Variants in VEGFC observed in about 807,000 individuals in gnomAD.
VEGFC encodes FLT4 ligand DHM.
A neutral mutation model predicts 46.1 loss-of-function variants in VEGFC; 12 were observed. The ratio of observed to expected loss-of-function variants is 0.26; its 90% CI spans 0.17 to 0.42. VEGFC has a LOEUF of 0.42. Among genes scored for constraint, VEGFC ranks in the 10% least tolerant of loss-of-function variants. The probability of loss-of-function intolerance (pLI) is 1.00; values close to 1 mark genes in which losing one functional copy is unlikely to be tolerated. For synonymous variants in VEGFC, 232 were observed against 195.5 expected (o/e 1.19, Z -1.56); for missense variants, 488 against 529.4 (o/e 0.92, Z 0.77).
intron 1 of VEGFC, among the ~76,000 whole-genome samples, chr4:176,770,547 T>C (rs959109513): frequency 6.6e-6 from 1 of 151,750 alleles, no homozygotes. Context: ...AGGATATTTA[T>C]CTGAGAAAGC....
At chr4:176,706,252 C>T (rs1247676772) in intron 4 of VEGFC, 5 of 149,966 alleles carry the variant, frequency 3.3e-5, no homozygotes, top group Admixed American at 1.3e-4. Flanking sequence ...AGTGACTCAA[C>T]GTATAGTTTT....
chr4:176,750,722 A>G (rs1380867102), intron 1 of VEGFC, among the ~76,000 whole-genome samples: 2 of 151,854 alleles, frequency 1.3e-5, no homozygotes, highest in Admixed American at 6.6e-5. Context: ...AGATACACAA[A>G]AACTATTTAT....
intron 1 of VEGFC, among the ~76,000 whole-genome samples, chr4:176,742,811 T>A (rs2110881678): frequency 6.6e-6 from 1 of 152,144 alleles, no homozygotes; most frequent in South Asian, 2.1e-4. Context: ...CCATGATTGT[T>A]GGTGTAAGTC....
chr4:176,783,570 T>C (rs1735949198), intron 1 of VEGFC, among the ~76,000 whole-genome samples: 1 of 152,198 alleles, frequency 6.6e-6, no homozygotes, highest in South Asian at 2.1e-4. Flanking sequence ...AGCTTATGTG[T>C]ACCAAAATCC....
chr4:176,698,567 C>T (rs754636457), intron 4 of VEGFC, among the ~76,000 whole-genome samples: 3 of 152,044 alleles, frequency 2.0e-5, no homozygotes, highest in Admixed American at 6.6e-5. Context: ...AACATATCCA[C>T]ACCTCAAAGA....
chr4:176,789,322 C>T (rs1310376202), intron 1 of VEGFC, among the ~76,000 whole-genome samples: 1 of 152,208 alleles, frequency 6.6e-6, no homozygotes, highest in Non-Finnish European at 1.5e-5. Context: ...CCACTAAGAT[C>T]AGTAATTAAC....
intron 1 of VEGFC, among the ~76,000 whole-genome samples, chr4:176,756,522 G>GTCAT (rs1264633554): frequency 3.3e-5 from 5 of 151,978 alleles, no homozygotes; most frequent in Non-Finnish European, 7.4e-5. Flanking sequence ...GAACATTCCA[G>GTCAT]GCTCTTTGAA....
At position 176,768,688 on chromosome 4, in the gene VEGFC, T is replaced by A. The variant is rs980256751; in HGVS notation, c.147+23477A>T. Among the ~76,000 whole-genome samples the A allele has an allele frequency of 5.9e-5, 9 of 151,772 alleles. No individual in the cohort carries two copies. In the South Asian group the frequency reaches 1.9e-3, roughly 32 times the overall value. On this transcript the variant is annotated intron_variant, in intron 1 of 6. Transcript: ENST00000618562. ...GAGCCATACCTCCTTTATCTGGCTA[T>A]ATACCCCAGGAGACAATATTCCTCT...
At chr4:176,773,400 T>C (rs1333034701) in intron 1 of VEGFC, among the ~76,000 whole-genome samples, 1 of 152,196 alleles carries the variant, frequency 6.6e-6, no homozygotes, top group African/African-American at 2.4e-5. Context: ...AGTTAGATTT[T>C]GTTACACACA....
At chr4:176,711,383 G>A (rs1192516241) in intron 4 of VEGFC, 116 bp downstream of exon 4, 5 of 1,174,818 alleles carry the variant, frequency 4.3e-6, no homozygotes, top group African/African-American at 1.6e-5. Flanking sequence ...TTTTGTATTT[G>A]AAGCAGAGTA....
intron 1 of VEGFC, among the ~76,000 whole-genome samples, chr4:176,767,122 C>CAAAAAA (rs1735639924): frequency 1.6e-4 from 1 of 6,286 alleles, no homozygotes; most frequent in Non-Finnish European, 5.0e-4. Context: ...TTGTAGAAAT[C>CAAAAAA]TAAAAAAAAA....
At chr4:176,758,100 T>C (rs575297063) in intron 1 of VEGFC, among the ~76,000 whole-genome samples, 1 of 152,244 alleles carries the variant, frequency 6.6e-6, no homozygotes, top group East Asian at 1.9e-4. Flanking sequence ...TGTGTGAAAA[T>C]TCTTTGTATT....
In VEGFC at chr4:176,719,822, T is replaced by A. The variant is rs1174939099; in HGVS notation, c.552+7956A>T. Among the ~76,000 whole-genome samples, 5 of 151,964 alleles carry A rather than the reference T, an allele frequency of 3.3e-5. No individual in the cohort carries two copies. In the East Asian group the frequency reaches 9.7e-4, roughly 29 times the overall value. On this transcript the variant is annotated intron_variant, in intron 3 of 6. Coordinates refer to ENST00000618562, the MANE Select transcript of VEGFC (RefSeq NM_005429.5). Reference sequence around the variant, plus strand: ...ATGCCTGTAATCCCAGCACATTGGGTGGCCGAGGCGAGTGGATCACTTGAA... The same window carrying A: ...ATGCCTGTAATCCCAGCACATTGGGAGGCCGAGGCGAGTGGATCACTTGAA...
intron 4 of VEGFC, among the ~76,000 whole-genome samples, chr4:176,691,290 G>A (rs1734174739): frequency 6.6e-6 from 1 of 152,088 alleles, no homozygotes; most frequent in South Asian, 2.1e-4. Context: ...ATTAAAGTAT[G>A]CATAAATACT....
At chr4:176,787,198 A>G (rs1736017737) in intron 1 of VEGFC, among the ~76,000 whole-genome samples, 1 of 152,166 alleles carries the variant, frequency 6.6e-6, no homozygotes, top group African/African-American at 2.4e-5. Flanking sequence ...GCAGTGGCTC[A>G]TGCCTGTAAT....
chr4:176,788,063 C>A (rs974354768), intron 1 of VEGFC, among the ~76,000 whole-genome samples: 1 of 152,166 alleles, frequency 6.6e-6, no homozygotes, highest in African/African-American at 2.4e-5. Context: ...ACGCTTCTGC[C>A]AACTTAAATT....
At position 176,789,904 on chromosome 4, in the gene VEGFC, A is replaced by G. The variant is rs1224818172; in HGVS notation, c.147+2261T>C. Among the ~76,000 whole-genome samples the G allele has an allele frequency of 2.0e-5, 3 of 152,218 alleles. No individual in the cohort carries two copies. In the East Asian group the frequency reaches 5.8e-4, roughly 29 times the overall value. ...AATATTAAAAAAGTTCCTAGGTGAA[A>G]GTTATGAAAACATTGCATCTATTGG... On this transcript the variant is annotated intron_variant, in intron 1 of 6. Coordinates refer to ENST00000618562, the MANE Select transcript of VEGFC (RefSeq NM_005429.5).
intron 4 of VEGFC, among the ~76,000 whole-genome samples, chr4:176,693,071 T>C (rs1734237780): frequency 6.6e-6 from 1 of 151,898 alleles, no homozygotes. Flanking sequence ...GCAGAGTGCC[T>C]CTCCTCCTCC....
chr4:176,779,531 T>TA (rs1391668386), intron 1 of VEGFC, among the ~76,000 whole-genome samples: 2 of 152,138 alleles, frequency 1.3e-5, no homozygotes, highest in Non-Finnish European at 2.9e-5. Flanking sequence ...AATTTTGGTT[T>TA]AAAAAAGAGT....
Sources: gnomAD v4.1 joint callset for allele counts (sites outside exome capture counted in the v4.1 genomes callset) on GRCh38, gnomAD v4.1.1 for gene constraint, MANE v1.5 for transcripts, NCBI Gene and HGNC (gene_info 2026-07-23, HGNC 2026-07-21) for gene names.